Variants in SLC9A9 observed in about 807,000 individuals in gnomAD.
SLC9A9 encodes sodium/hydrogen exchanger 9.
SLC9A9 carries 62 observed loss-of-function variants against 77.8 expected under a neutral mutation model. That is an observed-to-expected ratio of 0.80 (90% confidence interval 0.65 to 0.98). SLC9A9 has a LOEUF of 0.98. SLC9A9 is among the 50% of genes least tolerant of loss of function. The pLI, the probability that SLC9A9 is intolerant of heterozygous loss-of-function variation, is 0.00. For missense variants in SLC9A9, 775 were observed against 774.9 expected (o/e 1.00, Z 0.00); for synonymous variants, 320 against 283.5 (o/e 1.13, Z -1.29).
At chr3:143,520,086 T>A (rs578231113) in intron 9 of SLC9A9, among the ~76,000 whole-genome samples, 1 of 152,224 alleles carries the variant, frequency 6.6e-6, no homozygotes, top group Non-Finnish European at 1.5e-5. Flanking sequence ...TTCATGAGTC[T>A]AAATCAGATC....
chr3:143,637,361 G>C (rs2038540607), intron 6 of SLC9A9, among the ~76,000 whole-genome samples: 1 of 152,164 alleles, frequency 6.6e-6, no homozygotes, highest in African/African-American at 2.4e-5. Context: ...TTTAACAATA[G>C]ATTAGACAAA....
chr3:143,526,471 T>C (rs1336969635), intron 9 of SLC9A9, among the ~76,000 whole-genome samples: 1 of 152,176 alleles, frequency 6.6e-6, no homozygotes, highest in Non-Finnish European at 1.5e-5. Context: ...ACTTACTTCC[T>C]ACATTTTAGC....
intron 2 of SLC9A9, among the ~76,000 whole-genome samples, chr3:143,808,624 G>A (rs763289566): frequency 5.9e-5 from 9 of 152,126 alleles, no homozygotes; most frequent in Non-Finnish European, 1.3e-4. Flanking sequence ...CATGATCTAG[G>A]TTCCTTCTGT....
At chr3:143,286,419 T>C (rs80028230) in intron 14 of SLC9A9, among the ~76,000 whole-genome samples, 6,153 of 152,240 alleles carry the variant, frequency 0.04, 298 homozygotes, top group African/African-American at 0.11. Flanking sequence ...GAGCTCCTTC[T>C]ATTGGCTTTG....
chr3:143,459,307 T>C (rs982977310), intron 12 of SLC9A9, among the ~76,000 whole-genome samples: 5 of 152,144 alleles, frequency 3.3e-5, no homozygotes, highest in Non-Finnish European at 7.4e-5. Flanking sequence ...GGTATTCATA[T>C]GCTAAAAAAA....
intron 4 of SLC9A9, among the ~76,000 whole-genome samples, chr3:143,737,475 T>TAA (rs550280959): frequency 2.1e-5 from 3 of 140,076 alleles, no homozygotes; most frequent in African/African-American, 5.4e-5. Context: ...TAATGAGAGT[T>TAA]AAAAAAAAAA....
At chr3:143,673,016 G>A (rs769921065) in intron 5 of SLC9A9, among the ~76,000 whole-genome samples, 1 of 152,192 alleles carries the variant, frequency 6.6e-6, no homozygotes, top group Non-Finnish European at 1.5e-5. Context: ...GATAGTTCAT[G>A]TGCCTCTGCA....
At chr3:143,818,451 G>A (rs772862294) in intron 2 of SLC9A9, among the ~76,000 whole-genome samples, 3 of 151,938 alleles carry the variant, frequency 2.0e-5, no homozygotes, top group Non-Finnish European at 2.9e-5. Context: ...GAATTACAGG[G>A]ATGCACCGCC....
intron 4 of SLC9A9, among the ~76,000 whole-genome samples, chr3:143,793,400 T>C (rs1366449698): frequency 6.6e-6 from 1 of 152,160 alleles, no homozygotes; most frequent in Non-Finnish European, 1.5e-5. Context: ...ACCAAAGAAA[T>C]GAGGTAACAA....
At chr3:143,289,317 G>C (rs1350465127) in intron 14 of SLC9A9, among the ~76,000 whole-genome samples, 1 of 152,118 alleles carries the variant, frequency 6.6e-6, no homozygotes, top group Admixed American at 6.5e-5. Context: ...AGTTTGACTT[G>C]GCTTTTTGTT....
chr3:143,521,602 T>C (rs2036299167), intron 9 of SLC9A9, among the ~76,000 whole-genome samples: 2 of 152,176 alleles, frequency 1.3e-5, no homozygotes. Flanking sequence ...TTTATATTTG[T>C]TGCTGTTTCC....
intron 8 of SLC9A9, among the ~76,000 whole-genome samples, chr3:143,557,993 C>T (rs901141843): frequency 1.3e-5 from 2 of 152,222 alleles, no homozygotes; most frequent in Non-Finnish European, 2.9e-5. Context: ...CACAGCAGCC[C>T]CTCCCATCAC....
chr3:143,743,468 GTAAGTCCTGCAGTCCAAGGGCC>G (rs1553787851), intron 4 of SLC9A9, among the ~76,000 whole-genome samples: 1 of 152,200 alleles, frequency 6.6e-6, no homozygotes, highest in Non-Finnish European at 1.5e-5. Flanking sequence ...GGCCACTGGT[GTAAGTCCTGCAGTCCAAGGGCC>G]TAACAGCCTG....
At chr3:143,569,381 A>T (rs771599732) in intron 8 of SLC9A9, among the ~76,000 whole-genome samples, 4 of 151,938 alleles carry the variant, frequency 2.6e-5, no homozygotes. Context: ...ATGTGCACAT[A>T]CATAGACATT....
At position 143,467,727 on chromosome 3, in the gene SLC9A9, A is replaced by AAGAGAGAGAGAGAGAGAGAGAGAGAG. The variant is rs111531862; in HGVS notation, c.1316-563_1316-538dup. ...GTGACAGAATAAGTCCCTGGCTCTA[A>AAGAGAGAGAGAGAGAGAGAGAGAGAG]AGAGAGAGAGAGAGAGAGAGAGAGA... is the stretch of plus-strand genomic sequence containing the variant. On this transcript the variant is annotated intron_variant, in intron 11 of 15. Transcript: ENST00000316549. 1.6e-3 allele frequency among the ~76,000 whole-genome samples: 234 copies of AAGAGAGAGAGAGAGAGAGAGAGAGAG among 144,778 alleles called. 1 individual carries two copies. The highest frequency in any genetic ancestry group is 2.5e-3 in the Non-Finnish European group (162 of 65,504). The allele number at this position is 144,778 out of a possible 152,430, so 95.0% of individuals were successfully genotyped here.
intron 2 of SLC9A9, among the ~76,000 whole-genome samples, chr3:143,812,149 C>T (rs1416935152): frequency 1.3e-5 from 2 of 152,130 alleles, no homozygotes; most frequent in African/African-American, 4.8e-5. Flanking sequence ...AATAAAATGG[C>T]TACTGGAAAT....
intron 15 of SLC9A9, 80 bp from the exon 16 acceptor site, chr3:143,267,009 TTA>T: frequency 2.3e-6 from 3 of 1,307,624 alleles, no homozygotes; most frequent in Non-Finnish European, 2.2e-6. Context: ...TTTTTTTTTT[TTA>T]AACAGAATGC....
chr3:143,634,410 T>TC (rs2038479695), intron 6 of SLC9A9, among the ~76,000 whole-genome samples: 1 of 152,134 alleles, frequency 6.6e-6, no homozygotes, highest in Admixed American at 6.6e-5. Context: ...TTGTGTTATT[T>TC]CCCCAAATGC....
chr3:143,505,454 G>T (rs912060352), intron 9 of SLC9A9, among the ~76,000 whole-genome samples: 1 of 152,130 alleles, frequency 6.6e-6, no homozygotes, highest in Non-Finnish European at 1.5e-5. Flanking sequence ...CATCCAGTTT[G>T]GCAGGCTGGG....
Sources: gnomAD v4.1 joint callset for allele counts (sites outside exome capture counted in the v4.1 genomes callset) on GRCh38, gnomAD v4.1.1 for gene constraint, MANE v1.5 for transcripts, NCBI Gene and HGNC (gene_info 2026-07-23, HGNC 2026-07-21) for gene names.